The following SAMTOR variants were observed in gnomAD, a reference collection of about 807,000 sequenced individuals.
SAMTOR encodes the protein S-adenosylmethionine sensor upstream of mTORC1, also known as UPF0532 protein C7orf60.
the SAMTOR span, among the ~76,000 whole-genome samples, chr7:112,895,220 TATA>T: frequency 1.3e-5 from 2 of 151,206 alleles, no homozygotes; most frequent in African/African-American, 4.8e-5. Context: ...ATTATAACTA[TATA>T]ATACTATTAT....
At chr7:112,937,216 G>A in the SAMTOR span, among the ~76,000 whole-genome samples, 1 of 152,130 alleles carries the variant, frequency 6.6e-6, no homozygotes, top group African/African-American at 2.4e-5. Context: ...GGGAATCACT[G>A]CTAAATGCTA....
At chr7:112,932,192 T>C in the SAMTOR span, among the ~76,000 whole-genome samples, 1 of 152,186 alleles carries the variant, frequency 6.6e-6, no homozygotes, top group Non-Finnish European at 1.5e-5. Context: ...CCCAAAGTGC[T>C]GGGATTACAG....
At chr7:112,844,816 C>CT in the SAMTOR span, among the ~76,000 whole-genome samples, 1 of 152,182 alleles carries the variant, frequency 6.6e-6, no homozygotes, top group African/African-American at 2.4e-5. Flanking sequence ...AAGAACAAAG[C>CT]TGGAGTCATC....
At chr7:112,840,507 A>T in the SAMTOR span, among the ~76,000 whole-genome samples, 1,616 of 151,992 alleles carry the variant, frequency 0.011, 29 homozygotes, top group African/African-American at 0.037. Flanking sequence ...TCCAATAAAG[A>T]TGAAAGTTAT....
At chr7:112,853,836 A>C in the SAMTOR span, among the ~76,000 whole-genome samples, 1 of 152,156 alleles carries the variant, frequency 6.6e-6, no homozygotes, top group African/African-American at 2.4e-5. Context: ...TGGTTAAAAT[A>C]CTTTGAAATC....
the SAMTOR span, among the ~76,000 whole-genome samples, chr7:112,890,023 C>G: frequency 1.4e-4 from 22 of 152,128 alleles, no homozygotes; most frequent in African/African-American, 4.8e-4. Context: ...TTGGGTTGAG[C>G]TGCAGAATGG....
the SAMTOR span, among the ~76,000 whole-genome samples, chr7:112,915,804 T>C: frequency 1.3e-5 from 2 of 152,202 alleles, no homozygotes; most frequent in East Asian, 3.8e-4. Context: ...GACATGCTGG[T>C]AAGAAACAAT....
chr7:112,844,560 C>G, the SAMTOR span, among the ~76,000 whole-genome samples: 1 of 151,922 alleles, frequency 6.6e-6, no homozygotes, highest in Non-Finnish European at 1.5e-5. Context: ...GGTGGATGAT[C>G]TCTAGAATGA....
the SAMTOR span, among the ~76,000 whole-genome samples, chr7:112,924,269 C>T: frequency 1.3e-5 from 2 of 151,942 alleles, no homozygotes; most frequent in East Asian, 3.9e-4. Flanking sequence ...ATTCTTCCTC[C>T]ACTTAAGGTT....
At chr7:112,923,445 C>T in the SAMTOR span, among the ~76,000 whole-genome samples, 1 of 151,934 alleles carries the variant, frequency 6.6e-6, no homozygotes, top group Non-Finnish European at 1.5e-5. Context: ...CCAAATCCCC[C>T]TCTGGGAGAA....
the SAMTOR span, among the ~76,000 whole-genome samples, chr7:112,924,098 A>G: frequency 1.3e-5 from 2 of 151,892 alleles, no homozygotes; most frequent in Admixed American, 1.3e-4. Flanking sequence ...ATGCTAAAGG[A>G]CGAGTTAATG....
At chr7:112,890,426 T>C in the SAMTOR span, among the ~76,000 whole-genome samples, 2 of 151,962 alleles carry the variant, frequency 1.3e-5, no homozygotes, top group Non-Finnish European at 2.9e-5. Flanking sequence ...AGATTAAGTC[T>C]AAGCAAATTA....
the SAMTOR span, among the ~76,000 whole-genome samples, chr7:112,874,766 C>T: frequency 6.6e-6 from 1 of 152,030 alleles, no homozygotes; most frequent in Non-Finnish European, 1.5e-5. Flanking sequence ...TATTACTTTC[C>T]ATGTTACCTA....
chr7:112,847,135 C>T, the SAMTOR span, among the ~76,000 whole-genome samples: 1 of 152,164 alleles, frequency 6.6e-6, no homozygotes, highest in Non-Finnish European at 1.5e-5. Context: ...CAGCACTAAT[C>T]CTTATGCAAA....
the SAMTOR span, among the ~76,000 whole-genome samples, chr7:112,892,694 C>T: frequency 6.6e-6 from 1 of 151,878 alleles, no homozygotes; most frequent in Admixed American, 6.6e-5. Context: ...GTCACTTGAG[C>T]CCAGGAGGTC....
the SAMTOR span, among the ~76,000 whole-genome samples, chr7:112,898,354 A>C: frequency 6.6e-6 from 1 of 151,268 alleles, no homozygotes; most frequent in Non-Finnish European, 1.5e-5. Flanking sequence ...GAATGCCTCC[A>C]TCACCCCTCC....
At chr7:112,854,097 A>G in the SAMTOR span, among the ~76,000 whole-genome samples, 2 of 152,142 alleles carry the variant, frequency 1.3e-5, no homozygotes, top group Non-Finnish European at 2.9e-5. Context: ...GAGATGACAT[A>G]AAATCATTAG....
chr7:112,899,114 T>A, the SAMTOR span, among the ~76,000 whole-genome samples: 2 of 152,044 alleles, frequency 1.3e-5, no homozygotes, highest in Non-Finnish European at 2.9e-5. Context: ...CAGTGACCAA[T>A]CCTGGAGTAG....
the SAMTOR span, among the ~76,000 whole-genome samples, chr7:112,901,159 C>T: frequency 2.6e-5 from 4 of 152,220 alleles, no homozygotes; most frequent in Non-Finnish European, 4.4e-5. Flanking sequence ...CCCCAACCCC[C>T]AGTACTGGTC....
Sources: allele counts gnomAD v4.1 joint callset (sites outside exome capture counted in the v4.1 genomes callset), GRCh38; gene constraint gnomAD v4.1.1; transcripts MANE v1.5; gene names NCBI Gene and HGNC (gene_info 2026-07-23, HGNC 2026-07-21).